Variants in PRICKLE2 observed in about 807,000 individuals in gnomAD.
PRICKLE2 encodes prickle planar cell polarity protein 2, also known as prickle-like protein 2.
PRICKLE2 carries 21 observed loss-of-function variants against 81.4 expected under a neutral mutation model. That is an observed-to-expected ratio of 0.26 (90% confidence interval 0.18 to 0.37). The LOEUF is 0.37. Among genes scored for constraint, PRICKLE2 ranks in the 10% least tolerant of loss-of-function variants. PRICKLE2 has a pLI of 1.00. For synonymous variants in PRICKLE2, 456 were observed against 421.5 expected, an observed-to-expected ratio of 1.08 and a Z score of -1.00; for missense variants, 940 against 1,109.0, an observed-to-expected ratio of 0.85 and a Z score of 2.16.
intron 7 of PRICKLE2, among the ~76,000 whole-genome samples, chr3:64,122,324 A>G (rs1302728072): frequency 6.6e-6 from 1 of 152,130 alleles, no homozygotes; most frequent in Admixed American, 6.5e-5. Flanking sequence ...TTTGCCCCCA[A>G]AAATTCATAA....
intron 7 of PRICKLE2, among the ~76,000 whole-genome samples, chr3:64,137,077 C>T (rs2077290259): frequency 6.6e-6 from 1 of 152,128 alleles, no homozygotes; most frequent in Non-Finnish European, 1.5e-5. Flanking sequence ...CTTGAAAATT[C>T]ATGAAAATAT....
intron 7 of PRICKLE2, among the ~76,000 whole-genome samples, chr3:64,110,306 G>T (rs775225241): frequency 1.4e-4 from 21 of 152,178 alleles, no homozygotes; most frequent in Non-Finnish European, 3.1e-4. Context: ...GAGGACAAAA[G>T]CTAAATGGCT....
intron 1 of PRICKLE2, among the ~76,000 whole-genome samples, chr3:64,214,933 T>C (rs991929474): frequency 6.6e-6 from 1 of 152,120 alleles, no homozygotes; most frequent in Admixed American, 6.6e-5. Context: ...TATCTCTTTT[T>C]ACCACCTCTA....
At chr3:64,160,988 AAAC>A (rs1200245540) in intron 3 of PRICKLE2, among the ~76,000 whole-genome samples, 8 of 151,748 alleles carry the variant, frequency 5.3e-5, no homozygotes, top group East Asian at 1.9e-4. Flanking sequence ...ACAAACAAAA[AAAC>A]CAGAAGAAAC....
At chr3:64,261,584 C>A (rs1001413182) in intron 2 of PRICKLE2, among the ~76,000 whole-genome samples, 2 of 152,030 alleles carry the variant, frequency 1.3e-5, no homozygotes, top group Non-Finnish European at 2.9e-5. Flanking sequence ...GCAGGAAGTT[C>A]TCTTGACAGA....
At chr3:64,158,726 C>G (rs2077680317) in intron 4 of PRICKLE2, among the ~76,000 whole-genome samples, 1 of 152,154 alleles carries the variant, frequency 6.6e-6, no homozygotes, top group Non-Finnish European at 1.5e-5. Context: ...AACCACTGAC[C>G]ACCTGTACCT....
chr3:64,213,077 CTTT>C (rs374873926), intron 1 of PRICKLE2, among the ~76,000 whole-genome samples: 1 of 125,498 alleles, frequency 8.0e-6, no homozygotes, highest in Non-Finnish European at 1.6e-5. Context: ...GTTTTTTGTT[CTTT>C]TTTTTTTTTT....
chr3:64,161,818 C>T (rs142340169), intron 3 of PRICKLE2, among the ~76,000 whole-genome samples: 1 of 151,628 alleles, frequency 6.6e-6, no homozygotes, highest in African/African-American at 2.4e-5. Flanking sequence ...ATTTTAGGGA[C>T]ATGCTTTCAA....
At chr3:64,234,028 T>C (rs2079144888) in intron 2 of PRICKLE2, among the ~76,000 whole-genome samples, 1 of 152,204 alleles carries the variant, frequency 6.6e-6, no homozygotes, top group Non-Finnish European at 1.5e-5. Flanking sequence ...AGAGTAATAT[T>C]CCATTGTACT....
chr3:64,228,764 G>T (rs1418278268), upstream of PRICKLE2, among the ~76,000 whole-genome samples: 1 of 152,124 alleles, frequency 6.6e-6, no homozygotes, highest in Non-Finnish European at 1.5e-5. Flanking sequence ...TGAAGCGGAG[G>T]ACACTCTTGT....
chr3:64,167,524 C>T (rs1479147824), intron 2 of PRICKLE2, among the ~76,000 whole-genome samples: 1 of 152,212 alleles, frequency 6.6e-6, no homozygotes, highest in Non-Finnish European at 1.5e-5. Flanking sequence ...GCAGCAACTT[C>T]AGTGTGTGTC....
intron 2 of PRICKLE2, among the ~76,000 whole-genome samples, chr3:64,169,349 T>G (rs1256235141): frequency 6.6e-6 from 1 of 152,184 alleles, no homozygotes; most frequent in African/African-American, 2.4e-5. Flanking sequence ...TTTAAAATTT[T>G]TATACCATGG....
At chr3:64,178,987 CTTTCTTTCTT>C (rs1553648460) in intron 2 of PRICKLE2, among the ~76,000 whole-genome samples, 2 of 142,484 alleles carry the variant, frequency 1.4e-5, no homozygotes, top group South Asian at 4.6e-4. Flanking sequence ...TTCTTTCTTT[CTTTCTTTCTT>C]TCTTTCTTTC....
intron 2 of PRICKLE2, among the ~76,000 whole-genome samples, chr3:64,185,784 C>T (rs1054404548): frequency 1.3e-5 from 2 of 152,148 alleles, no homozygotes; most frequent in African/African-American, 4.8e-5. Context: ...ATCACTTTAT[C>T]GAGGTATCAA....
intron 2 of PRICKLE2, among the ~76,000 whole-genome samples, chr3:64,260,473 T>C (rs2079599984): frequency 6.6e-6 from 1 of 152,240 alleles, no homozygotes; most frequent in South Asian, 2.1e-4. Flanking sequence ...ATCGCAGCAC[T>C]ATTTCCCTAA....
At chr3:64,202,645 C>CATGTGTGTGTGT (rs140445287) in intron 1 of PRICKLE2, among the ~76,000 whole-genome samples, 8 of 149,326 alleles carry the variant, frequency 5.4e-5, no homozygotes, top group Non-Finnish European at 1.0e-4. Flanking sequence ...TACTTGTGTG[C>CATGTGTGTGTGT]GTGTGTGTGT....
intron 2 of PRICKLE2, among the ~76,000 whole-genome samples, chr3:64,236,174 C>T (rs2079177106): frequency 6.6e-6 from 1 of 152,166 alleles, no homozygotes; most frequent in Non-Finnish European, 1.5e-5. Flanking sequence ...CACTGCCATA[C>T]TGGAAGTTGA....
In PRICKLE2 at chr3:64,147,155, G is replaced by A. The variant is rs1444892026; in HGVS notation, c.1335C>T (p.His445=). The A allele has an allele frequency of 1.2e-6, 2 of 1,614,050 alleles. No individual in the cohort carries two copies. The highest frequency in any genetic ancestry group is 1.7e-5 in the Admixed American group (1 of 60,004). The part of the protein sequence containing the change: ...AGAQPEMWGK[H]FSNPKRSSSL... ...ACGAGCTCCTTTTGGGGTTGCTGAA[G>A]TGCTTGCCCCACATTTCGGGCTGGG... The change falls in exon 7 of 8, where the codon CAC becomes CAT. Residue 445 remains histidine, a synonymous_variant. Coordinates refer to ENST00000638394, the MANE Select transcript of PRICKLE2 (RefSeq NM_198859.4). The surrounding 1 kb of genome is among the most constrained non-coding windows in gnomAD (Gnocchi z 5.0).
chr3:64,126,766 C>T (rs548055564), intron 7 of PRICKLE2, among the ~76,000 whole-genome samples: 67 of 152,126 alleles, frequency 4.4e-4, no homozygotes, highest in Non-Finnish European at 1.0e-4. Context: ...TTAGTGGAGA[C>T]GGGGTTTCAC....
Sources: gnomAD v4.1 joint callset for allele counts (sites outside exome capture counted in the v4.1 genomes callset) on GRCh38, gnomAD v4.1.1 for gene constraint, Gnocchi (gnomAD v3.1) non-coding constraint, MANE v1.5 for transcripts, NCBI Gene and HGNC (gene_info 2026-07-23, HGNC 2026-07-21) for gene names.